The following ATRNL1 variants were observed in gnomAD, a reference collection of about 807,000 sequenced individuals.
The protein encoded by ATRNL1 is attractin-like protein 1.
ATRNL1 carries 95 observed loss-of-function variants against 182.7 expected under a neutral mutation model. That is an observed-to-expected ratio of 0.52 (90% CI 0.44 to 0.62). ATRNL1 has a LOEUF of 0.62. Among genes scored for constraint, ATRNL1 ranks in the 20% least tolerant of loss-of-function variants. The probability of loss-of-function intolerance (pLI) is 0.00; values close to 1 mark genes in which losing one functional copy is unlikely to be tolerated. For synonymous variants in ATRNL1, 576 were observed against 568.3 expected (o/e 1.01, Z -0.19); for missense variants, 1,471 against 1,679.5 (o/e 0.88, Z 2.17).
intron 26 of ATRNL1, among the ~76,000 whole-genome samples, chr10:115,620,520 A>G (rs567083045): frequency 6.6e-6 from 1 of 152,214 alleles, no homozygotes. Context: ...CTGTCTGGCC[A>G]TTAAACCCAG....
chr10:115,790,580 T>C (rs138511616), intron 27 of ATRNL1, among the ~76,000 whole-genome samples: 320 of 151,210 alleles, frequency 2.1e-3, no homozygotes, highest in African/African-American at 7.6e-3. Flanking sequence ...GTAGAGAGAG[T>C]GAAGGAAAAT....
intron 1 of ATRNL1, among the ~76,000 whole-genome samples, chr10:115,100,154 C>T (rs1257298074): frequency 6.6e-6 from 1 of 152,022 alleles, no homozygotes; most frequent in Non-Finnish European, 1.5e-5. Flanking sequence ...ATTAGCTGGT[C>T]GTGGCGGTGT....
intron 9 of ATRNL1, among the ~76,000 whole-genome samples, chr10:115,235,370 C>A (rs1193585833): frequency 6.6e-6 from 1 of 152,098 alleles, no homozygotes; most frequent in Non-Finnish European, 1.5e-5. Context: ...CCAAAAGAAA[C>A]CCCATACCTG....
At chr10:115,939,980 T>C (rs1555123802) in intron 28 of ATRNL1, among the ~76,000 whole-genome samples, 1 of 152,212 alleles carries the variant, frequency 6.6e-6, no homozygotes, top group East Asian at 1.9e-4. Context: ...GCAAACGACC[T>C]TTATGTCTTT....
intron 26 of ATRNL1, among the ~76,000 whole-genome samples, chr10:115,678,142 T>G (rs2133943808): frequency 6.6e-6 from 1 of 152,228 alleles, no homozygotes; most frequent in East Asian, 1.9e-4. Flanking sequence ...ATAAGCATGA[T>G]ATAAAAAATA....
chr10:115,368,008 C>T (rs1337306259), intron 19 of ATRNL1, among the ~76,000 whole-genome samples: 5 of 152,142 alleles, frequency 3.3e-5, no homozygotes, highest in Non-Finnish European at 7.4e-5. Context: ...GTGGAGCCTA[C>T]AGAGGCAGGC....
chr10:115,773,797 C>T (rs1462376247), intron 27 of ATRNL1, among the ~76,000 whole-genome samples: 1 of 152,124 alleles, frequency 6.6e-6, no homozygotes, highest in Non-Finnish European at 1.5e-5. Context: ...TGTAAATGCT[C>T]AACACAAATA....
intron 21 of ATRNL1, among the ~76,000 whole-genome samples, chr10:115,445,506 C>CATGTGTGT (rs880000224): frequency 8.4e-6 from 1 of 119,256 alleles, no homozygotes; most frequent in African/African-American, 3.1e-5. Context: ...CTCATTTGTC[C>CATGTGTGT]GTGTGTGTGT....
intron 10 of ATRNL1, among the ~76,000 whole-genome samples, chr10:115,262,387 A>C (rs1304210209): frequency 6.6e-6 from 1 of 152,036 alleles, no homozygotes; most frequent in Non-Finnish European, 1.5e-5. Context: ...TATATGGGAA[A>C]AATTAAGTTT....
chr10:115,664,978 C>T (rs182872333), intron 26 of ATRNL1, among the ~76,000 whole-genome samples: 1 of 152,022 alleles, frequency 6.6e-6, no homozygotes, highest in Non-Finnish European at 1.5e-5. Context: ...ATTTTAAAGC[C>T]AAAGATAAAA....
At chr10:115,710,192 C>T (rs1388233520) in intron 26 of ATRNL1, among the ~76,000 whole-genome samples, 3 of 151,592 alleles carry the variant, frequency 2.0e-5, no homozygotes, top group Non-Finnish European at 4.4e-5. Context: ...AATTTAGAAG[C>T]TTTGGAACAT....
intron 1 of ATRNL1, among the ~76,000 whole-genome samples, chr10:115,101,713 T>C (rs782645177): frequency 6.6e-6 from 1 of 152,220 alleles, no homozygotes; most frequent in Non-Finnish European, 1.5e-5. Context: ...CCTCATATAA[T>C]GAGCACCATG....
At chr10:115,772,843 C>A (rs1949029732) in intron 27 of ATRNL1, among the ~76,000 whole-genome samples, 1 of 152,080 alleles carries the variant, frequency 6.6e-6, no homozygotes, top group East Asian at 1.9e-4. Flanking sequence ...TAAATCAGAC[C>A]TGCATGATTC....
At chr10:115,790,335 A>G (rs1669458369) in intron 27 of ATRNL1, among the ~76,000 whole-genome samples, 1 of 152,060 alleles carries the variant, frequency 6.6e-6, no homozygotes, top group South Asian at 2.1e-4. Flanking sequence ...TTCCACCCAC[A>G]GTTTCTGTTC....
chr10:115,650,215 A>G (rs902537501), intron 26 of ATRNL1, among the ~76,000 whole-genome samples: 13 of 152,122 alleles, frequency 8.5e-5, no homozygotes, highest in Non-Finnish European at 1.5e-5. Flanking sequence ...GTGCACATGC[A>G]GGATAAATCA....
chr10:115,116,289 GTTGT>G (rs1289688706), intron 1 of ATRNL1, among the ~76,000 whole-genome samples: 1 of 152,060 alleles, frequency 6.6e-6, no homozygotes, highest in Non-Finnish European at 1.5e-5. Flanking sequence ...TTAAAAAAAA[GTTGT>G]TTGAAACTTG....
At chr10:115,414,171 G>C (rs1845278759) in intron 20 of ATRNL1, among the ~76,000 whole-genome samples, 1 of 151,840 alleles carries the variant, frequency 6.6e-6, no homozygotes, top group Non-Finnish European at 1.5e-5. Context: ...GATTTACTTT[G>C]CTTATATCAC....
At chr10:115,737,354 T>A (rs1331174329) in intron 27 of ATRNL1, among the ~76,000 whole-genome samples, 1 of 150,732 alleles carries the variant, frequency 6.6e-6, no homozygotes, top group Non-Finnish European at 1.5e-5. Flanking sequence ...GAGAAGTGCA[T>A]GAGCCCGGGA....
At chr10:115,885,302 GA>G (rs1951918426) in intron 28 of ATRNL1, among the ~76,000 whole-genome samples, 1 of 152,184 alleles carries the variant, frequency 6.6e-6, no homozygotes, top group Admixed American at 6.5e-5. Flanking sequence ...TTAGCTCCTT[GA>G]AGGTGGGAAG....
Sources: allele counts gnomAD v4.1 joint callset (sites outside exome capture counted in the v4.1 genomes callset), GRCh38; gene constraint gnomAD v4.1.1; transcripts MANE v1.5; gene names NCBI Gene and HGNC (gene_info 2026-07-23, HGNC 2026-07-21).